Variants in ST6GALNAC3 observed in about 807,000 individuals in gnomAD.
ST6GALNAC3 encodes alpha-N-acetylgalactosaminide alpha-2,6-sialyltransferase 3.
A neutral mutation model predicts 32.7 loss-of-function variants in ST6GALNAC3; 25 were observed. That is an observed-to-expected ratio of 0.76 (90% CI 0.56 to 1.07). The LOEUF (loss-of-function observed/expected upper bound fraction) is 1.07, where lower values mean the gene tolerates loss of function less well. Among genes scored for constraint, ST6GALNAC3 ranks in the 50% least tolerant of loss-of-function variants. ST6GALNAC3 has a pLI of 0.00. For missense variants in ST6GALNAC3, 355 were observed against 382.4 expected (o/e 0.93, Z 0.60); for synonymous variants, 129 against 133.1 (o/e 0.97, Z 0.21).
chr1:76,449,765 G>T (rs1212304786), intron 3 of ST6GALNAC3, among the ~76,000 whole-genome samples: 1 of 152,094 alleles, frequency 6.6e-6, no homozygotes, highest in African/African-American at 2.4e-5. Context: ...TATATTTTGT[G>T]TAACGGTCTT....
At chr1:76,283,313 C>T (rs1038267169) in intron 1 of ST6GALNAC3, among the ~76,000 whole-genome samples, 1 of 152,034 alleles carries the variant, frequency 6.6e-6, no homozygotes, top group African/African-American at 2.4e-5. Context: ...TTGAGCTTTG[C>T]TATACTACTT....
chr1:76,499,032 A>G (rs1358242014), intron 3 of ST6GALNAC3, among the ~76,000 whole-genome samples: 2 of 152,216 alleles, frequency 1.3e-5, no homozygotes, highest in African/African-American at 4.8e-5. Flanking sequence ...TTCTTAATAT[A>G]TAACAATCTC....
At chr1:76,346,190 G>A (rs895253280) in intron 2 of ST6GALNAC3, among the ~76,000 whole-genome samples, 2 of 152,140 alleles carry the variant, frequency 1.3e-5, no homozygotes, top group African/African-American at 4.8e-5. Context: ...TTCATACATC[G>A]TCGGCACTTA....
At chr1:76,429,339 G>A (rs1219773531) in intron 3 of ST6GALNAC3, among the ~76,000 whole-genome samples, 1 of 152,044 alleles carries the variant, frequency 6.6e-6, no homozygotes, top group African/African-American at 2.4e-5. Context: ...ATAAAGTAGT[G>A]TCTATACTTT....
At chr1:76,361,242 T>A (rs921026165) in intron 2 of ST6GALNAC3, among the ~76,000 whole-genome samples, 1 of 152,082 alleles carries the variant, frequency 6.6e-6, no homozygotes, top group African/African-American at 2.4e-5. Context: ...GTCCCCTCAT[T>A]TCTCTCTTGG....
intron 3 of ST6GALNAC3, among the ~76,000 whole-genome samples, chr1:76,588,989 T>C (rs540073963): frequency 3.1e-4 from 47 of 152,214 alleles, no homozygotes; most frequent in Non-Finnish European, 5.7e-4. Context: ...AAATTTTCTC[T>C]GTTTAAAGCA....
chr1:76,423,856 T>C lies in ST6GALNAC3; in HGVS notation c.623+11439T>C, dbSNP rs551807806. Reference sequence around the variant, plus strand: ...GTAGTAGAGAGAGAAGGGGATATAGTTGGGAGCTTTTGGGAAGGATTGTCA... The same window carrying C: ...GTAGTAGAGAGAGAAGGGGATATAGCTGGGAGCTTTTGGGAAGGATTGTCA... On this transcript the variant is annotated intron_variant, in intron 3 of 4. Coordinates refer to ENST00000328299, the MANE Select transcript of ST6GALNAC3 (RefSeq NM_152996.4). Among the ~76,000 whole-genome samples the C allele has an allele frequency of 6.6e-5, 10 of 152,068 alleles. No individual in the cohort carries two copies. In the East Asian group the frequency reaches 1.7e-3, roughly 26 times the overall value.
Position 76,501,652 on chromosome 1 carries a change from G to A in ST6GALNAC3, c.623+89235G>A, listed in dbSNP as rs115476376. 1.5e-3 allele frequency among the ~76,000 whole-genome samples: 226 copies of A among 152,228 alleles called. 1 individual carries two copies. The highest frequency in any genetic ancestry group is 5.2e-3 in the African/African-American group (215 of 41,538). ...GAAAGATAAAGAGGCAGGCTATCAA[G>A]GCAGCCTAAATAAGGACACCTCAAA... On this transcript the variant is annotated intron_variant, in intron 3 of 4. Coordinates refer to ENST00000328299, the MANE Select transcript of ST6GALNAC3 (RefSeq NM_152996.4).
chr1:76,156,525 A>G (rs1252755437), intron 1 of ST6GALNAC3, among the ~76,000 whole-genome samples: 1 of 150,838 alleles, frequency 6.6e-6, no homozygotes, highest in Non-Finnish European at 1.5e-5. Flanking sequence ...ATCAAATAGT[A>G]TACTACTAGA....
intron 1 of ST6GALNAC3, among the ~76,000 whole-genome samples, chr1:76,290,146 A>G (rs1267193312): frequency 6.6e-6 from 1 of 152,240 alleles, no homozygotes; most frequent in African/African-American, 2.4e-5. Context: ...AAAATGCCCC[A>G]TGAGCCACAT....
At chr1:76,266,979 G>A (rs1439458489) in intron 1 of ST6GALNAC3, among the ~76,000 whole-genome samples, 1 of 152,166 alleles carries the variant, frequency 6.6e-6, no homozygotes, top group East Asian at 1.9e-4. Flanking sequence ...AGGCAGCCTG[G>A]TAAATGGAGT....
rs1174191797 is a variant in ST6GALNAC3, at chr1:76,093,232, C to T, written c.18+18348C>T. Among the ~76,000 whole-genome samples, 4 of 152,182 alleles carry T rather than the reference C, an allele frequency of 2.6e-5. No homozygotes were observed. In the East Asian group the frequency reaches 7.7e-4, roughly 29 times the overall value. On this transcript the variant is annotated intron_variant, in intron 1 of 4. Coordinates refer to ENST00000328299, the MANE Select transcript of ST6GALNAC3 (RefSeq NM_152996.4). ...AATGGAAAAAGGAAAGGAAAGAATA[C>T]ATATGAAAAGAAGGCAGTCCCTTGG...
At chr1:76,236,546 C>T (rs943324933) in intron 1 of ST6GALNAC3, among the ~76,000 whole-genome samples, 4 of 152,176 alleles carry the variant, frequency 2.6e-5, no homozygotes, top group African/African-American at 7.2e-5. Flanking sequence ...TTCTAATCCT[C>T]GTAGAAACCT....
intron 1 of ST6GALNAC3, among the ~76,000 whole-genome samples, chr1:76,241,309 AG>A (rs1407677682): frequency 6.6e-6 from 1 of 152,206 alleles, no homozygotes; most frequent in Non-Finnish European, 1.5e-5. Context: ...GGAAAGTTCA[AG>A]GTTGGGCATC....
chr1:76,577,815 C>G (rs1001873271), intron 3 of ST6GALNAC3, among the ~76,000 whole-genome samples: 1 of 151,946 alleles, frequency 6.6e-6, no homozygotes, highest in African/African-American at 2.4e-5. Flanking sequence ...TTATTCTGTT[C>G]ACTTGGAGAA....
intron 2 of ST6GALNAC3, among the ~76,000 whole-genome samples, chr1:76,329,570 T>C (rs1557792384): frequency 6.6e-6 from 1 of 152,156 alleles, no homozygotes; most frequent in Non-Finnish European, 1.5e-5. Flanking sequence ...ACCGATTCCT[T>C]AAAATCCCAT....
At chr1:76,263,874 G>A (rs1447738812) in intron 1 of ST6GALNAC3, among the ~76,000 whole-genome samples, 1 of 152,016 alleles carries the variant, frequency 6.6e-6, no homozygotes, top group Non-Finnish European at 1.5e-5. Flanking sequence ...TTTCGTTTCT[G>A]AATATGAATG....
chr1:76,594,043 G>T (rs1376131093), intron 3 of ST6GALNAC3, among the ~76,000 whole-genome samples: 1 of 152,106 alleles, frequency 6.6e-6, no homozygotes, highest in Non-Finnish European at 1.5e-5. Flanking sequence ...TATTTAGTCA[G>T]CATGGAGCCC....
intron 2 of ST6GALNAC3, among the ~76,000 whole-genome samples, chr1:76,398,384 T>A (rs4949715): frequency 2.0e-5 from 3 of 151,854 alleles, no homozygotes; most frequent in African/African-American, 7.3e-5. Flanking sequence ...CAGTGGTATC[T>A]TTCTGGTATT....
Sources: gnomAD v4.1 joint callset for allele counts (sites outside exome capture counted in the v4.1 genomes callset) on GRCh38, gnomAD v4.1.1 for gene constraint, MANE v1.5 for transcripts, NCBI Gene and HGNC (gene_info 2026-07-23, HGNC 2026-07-21) for gene names.